WDR49: variants seen among roughly 807,000 people sequenced by gnomAD.
WDR49 encodes the protein WD repeat domain 49.
WDR49 carries 107 observed loss-of-function variants against 119.5 expected under a neutral mutation model. That is an observed-to-expected ratio of 0.90 (90% CI 0.77 to 1.05). The LOEUF is 1.05. Ranked by LOEUF, WDR49 falls within the 50% of genes least tolerant of loss-of-function variation. The pLI is 0.00. For synonymous variants in WDR49, 425 were observed against 418.8 expected, an observed-to-expected ratio of 1.01 and a Z score of -0.18; for missense variants, 1,240 against 1,220.5, an observed-to-expected ratio of 1.02 and a Z score of -0.24.
At chr3:167,607,839 T>G (rs148483622) in intron 5 of WDR49, among the ~76,000 whole-genome samples, 2 of 152,248 alleles carry the variant, frequency 1.3e-5, no homozygotes, top group Non-Finnish European at 2.9e-5. Flanking sequence ...GGGAACAGTA[T>G]TTCTATGTCT....
chr3:167,557,090 G>A (rs888438419), intron 9 of WDR49, among the ~76,000 whole-genome samples: 2 of 152,050 alleles, frequency 1.3e-5, no homozygotes, highest in African/African-American at 2.4e-5. Flanking sequence ...ACAGCTACTC[G>A]GAAGGCTAAG....
intron 16 of WDR49, among the ~76,000 whole-genome samples, chr3:167,519,649 G>C (rs1391323560): frequency 6.6e-6 from 1 of 152,030 alleles, no homozygotes; most frequent in Non-Finnish European, 1.5e-5. Context: ...TGGGGGATGG[G>C]GGAGGGGGAG....
intron 2 of WDR49, among the ~76,000 whole-genome samples, chr3:167,637,180 C>T (rs1299249361): frequency 6.6e-6 from 1 of 151,502 alleles, no homozygotes; most frequent in Non-Finnish European, 1.5e-5. Context: ...TAAGGTGAGA[C>T]ATGAGAACCC....
chr3:167,515,047 A>G (rs1167025179), intron 16 of WDR49, among the ~76,000 whole-genome samples: 1 of 152,182 alleles, frequency 6.6e-6, no homozygotes, highest in Non-Finnish European at 1.5e-5. Context: ...GAATTCTACC[A>G]GAGATACAAA....
intron 16 of WDR49, among the ~76,000 whole-genome samples, chr3:167,521,963 AAGATAGAT>A (rs201398579): frequency 0.02 from 1,556 of 77,208 alleles, 12 homozygotes; most frequent in African/African-American, 0.025. Context: ...TACACATTCT[AAGATAGAT>A]AGATAGATAG....
rs866963811 is a variant in WDR49, at chr3:167,518,431, T to C, written c.2774+3884A>G. 2.0e-5 allele frequency among the ~76,000 whole-genome samples: 3 copies of C among 152,274 alleles called. No individual in the cohort carries two copies. In the South Asian group the frequency reaches 6.2e-4, roughly 32 times the overall value. On this transcript the variant is annotated intron_variant, in intron 16 of 18. Transcript: ENST00000682715. ...ACTTTTTAATGATTGCCATTCTAAC[T>C]GGTGTGAGATCATATCTCACTGTGG...
intron 8 of WDR49, among the ~76,000 whole-genome samples, chr3:167,561,684 T>G (rs969551773): frequency 4.6e-5 from 7 of 152,044 alleles, no homozygotes; most frequent in Admixed American, 4.6e-4. Flanking sequence ...GATGGAGACA[T>G]GTATTTATTA....
chr3:167,585,391 C>CAT lies in WDR49; in HGVS notation c.1276-9241_1276-9240insAT, dbSNP rs1219342410. ...TAACCTAAGAGGTCTTAAAAGGGTG[C>CAT]GTGTGTGTGTGTGTGTGTGTGTGTG... On this transcript the variant is annotated intron_variant, in intron 7 of 18. Transcript: ENST00000682715. 1.2e-4 allele frequency among the ~76,000 whole-genome samples: 17 copies of CAT among 137,496 alleles called. No homozygotes were observed. In the East Asian group the frequency reaches 1.7e-3, roughly 14 times the overall value. 90.2% of individuals were successfully genotyped at this position (137,496 alleles called of 152,430 possible).
Position 167,536,394 on chromosome 3 carries a change from T to C in WDR49, c.1954+476A>G, listed in dbSNP as rs187789997. 2.7e-3 allele frequency among the ~76,000 whole-genome samples: 407 copies of C among 152,018 alleles called. 2 individuals are homozygous for C. Among genetic ancestry groups the C allele is most frequent in the Admixed American group, 7.7e-3 (117 of 15,252 alleles). On this transcript the variant is annotated intron_variant, in intron 11 of 18. Transcript: ENST00000682715. ...TCAATCATAAATTTAAAAAGAAATA[T>C]ATGGCCGGGCACAGTGGCTCACGCC...
intron 8 of WDR49, among the ~76,000 whole-genome samples, chr3:167,572,692 A>G (rs116223774): frequency 2.6e-5 from 4 of 152,342 alleles, no homozygotes; most frequent in Non-Finnish European, 5.9e-5. Flanking sequence ...CCAAAAACAT[A>G]GGAAGAGAGA....
intron 13 of WDR49, among the ~76,000 whole-genome samples, 153 bp from the exon 14 acceptor site, chr3:167,529,392 A>G (rs1044429074): frequency 3.3e-5 from 5 of 152,130 alleles, no homozygotes; most frequent in Non-Finnish European, 5.9e-5. Flanking sequence ...TCTCAAATAT[A>G]AAATGGAGGT....
intron 2 of WDR49, chr3:167,633,422 C>T (rs543550036): frequency 4.4e-6 from 2 of 455,944 alleles, no homozygotes; most frequent in South Asian, 3.1e-5. Context: ...TTCCCAGAAC[C>T]ATGGCTCTTT....
Position 167,627,274 on chromosome 3 carries a change from T to C in WDR49, c.184A>G (p.Ile62Val), listed in dbSNP as rs1717174285. 1.6e-6 allele frequency: 2 copies of C among 1,235,470 alleles called. No homozygotes were observed. The highest frequency in any genetic ancestry group is 6.3e-5 in the East Asian group (2 of 31,716). 76.5% of individuals were successfully genotyped at this position (1,235,470 alleles called of 1,614,324 possible). A position where few individuals can be genotyped will look rare whatever the true frequency, so the allele number is the denominator to read the frequency against. Residue 62 changes from isoleucine to valine, a missense_variant, in exon 3 of 19, where the codon ATC (isoleucine) becomes GTC (valine). Ile to Val is a conservative substitution (Grantham distance 29). Coordinates refer to ENST00000682715, the MANE Select transcript of WDR49 (RefSeq NM_001366157.1). ...KAFESPQPRKIICMSREDFTQ... is the reference protein window; with the variant it reads ...KAFESPQPRKVICMSREDFTQ... ...AAGTCTTCTCTGGACATACAAATGATTTTCCTTGGCTGTGGGGACTAGAAA... is the reference window on the plus strand; with the variant it reads ...AAGTCTTCTCTGGACATACAAATGACTTTCCTTGGCTGTGGGGACTAGAAA...
intron 9 of WDR49, among the ~76,000 whole-genome samples, chr3:167,559,058 T>A (rs958683707): frequency 2.2e-4 from 34 of 152,252 alleles, no homozygotes; most frequent in African/African-American, 8.2e-4. Flanking sequence ...CCATTAACCT[T>A]CTCATAGGCC....
upstream of WDR49, among the ~76,000 whole-genome samples, chr3:167,656,205 G>A (rs1004506930): frequency 2.6e-5 from 4 of 152,082 alleles, no homozygotes; most frequent in African/African-American, 4.8e-5. Flanking sequence ...GCTTTTCTTC[G>A]ATAAGTCCTT....
chr3:167,579,082 GA>G (rs1396488556), intron 7 of WDR49, among the ~76,000 whole-genome samples: 4 of 152,004 alleles, frequency 2.6e-5, no homozygotes, highest in Non-Finnish European at 2.9e-5. Context: ...GTCATGTGAA[GA>G]AGGCCCTTGA....
chr3:167,592,572 C>T (rs1310117072), intron 7 of WDR49, among the ~76,000 whole-genome samples: 1 of 151,636 alleles, frequency 6.6e-6, no homozygotes, highest in African/African-American at 2.4e-5. Flanking sequence ...GTAGCTGGGA[C>T]TACAGGTGCA....
intron 5 of WDR49, among the ~76,000 whole-genome samples, chr3:167,610,505 G>A (rs919965137): frequency 6.6e-6 from 1 of 152,222 alleles, no homozygotes; most frequent in African/African-American, 2.4e-5. Flanking sequence ...TTGTTTGAGT[G>A]CCAGCTCAGC....
intron 15 of WDR49, among the ~76,000 whole-genome samples, chr3:167,524,559 A>G (rs1752567711): frequency 6.6e-6 from 1 of 152,066 alleles, no homozygotes; most frequent in African/African-American, 2.4e-5. Flanking sequence ...TAAGTCTTTA[A>G]TCCATTTTGA....
Sources: gnomAD v4.1 joint callset for allele counts (sites outside exome capture counted in the v4.1 genomes callset) on GRCh38, gnomAD v4.1.1 for gene constraint, MANE v1.5 for transcripts, NCBI Gene and HGNC (gene_info 2026-07-23, HGNC 2026-07-21) for gene names.